BLM: variants seen among roughly 807,000 people sequenced by gnomAD.
BLM encodes the protein recQ-like DNA helicase BLM.
In BLM, 95 loss-of-function variants were observed where a neutral mutation model predicts 135.3. That is an observed-to-expected ratio of 0.70 (90% CI 0.59 to 0.83). The LOEUF (loss-of-function observed/expected upper bound fraction) is 0.83. Among genes scored for constraint, BLM ranks in the 40% least tolerant of loss-of-function variants. BLM has a pLI of 0.00. For missense variants in BLM, 1,518 were observed against 1,663.9 expected (o/e 0.91, Z 1.53); for synonymous variants, 520 against 589.2 (o/e 0.88, Z 1.70).
At chr15:90,726,122 A>G (rs963052327) in intron 1 of BLM, among the ~76,000 whole-genome samples, 2 of 152,148 alleles carry the variant, frequency 1.3e-5, no homozygotes, top group Admixed American at 6.5e-5. Context: ...ATCTTAAAAC[A>G]TTTATCATTT....
intron 16 of BLM, 139 bp downstream of exon 16, chr15:90,794,496 G>T: frequency 4.8e-6 from 3 of 627,882 alleles, no homozygotes; most frequent in South Asian, 2.6e-5. Flanking sequence ...GTAGTAATTT[G>T]GAATGGAAAC....
Position 90,784,817 on chromosome 15 carries a change from G to A in BLM, c.2663-104G>A, listed in dbSNP as rs1023390574. Reference sequence around the variant, plus strand: ...TCTTCCAGCAGTATAAGAACACTACGGGAGATCTATTTATGGTTCATATAT... The same window carrying A: ...TCTTCCAGCAGTATAAGAACACTACAGGAGATCTATTTATGGTTCATATAT... On this transcript the variant is annotated intron_variant, in intron 13 of 21. Transcript: ENST00000355112. The A allele has an allele frequency of 1.6e-5, 19 of 1,212,656 alleles. No homozygotes were observed. The Admixed American group carries it at 1.9e-4, about 12-fold the overall frequency. The allele number at this position is 1,212,656 out of a possible 1,614,324, so 75.1% of individuals were successfully genotyped here.
At chr15:90,722,517 G>T (rs1022829202) in intron 1 of BLM, among the ~76,000 whole-genome samples, 16 of 152,042 alleles carry the variant, frequency 1.1e-4, no homozygotes, top group African/African-American at 3.6e-4. Flanking sequence ...AACCTGGGCA[G>T]CGGAGGTTGC....
At position 90,738,474 on chromosome 15, in the gene BLM, T is replaced by A. The variant is rs1390347608; in HGVS notation, c.-4-8915T>A. On this transcript the variant is annotated intron_variant, in intron 1 of 21. Coordinates refer to ENST00000355112, the MANE Select transcript of BLM (RefSeq NM_000057.4). ...CTGTGGTCCCAGCTACTCCGTAGGC[T>A]GAGGTGGGAGGACCACTTGAGCCCG... 3.3e-5 allele frequency among the ~76,000 whole-genome samples: 5 copies of A among 152,090 alleles called. 1 individual carries two copies. The East Asian group carries it at 7.7e-4, about 23-fold the overall frequency.
chr15:90,734,179 C>G (rs1380040147), intron 1 of BLM, among the ~76,000 whole-genome samples: 2 of 151,926 alleles, frequency 1.3e-5, no homozygotes, highest in African/African-American at 2.4e-5. Context: ...TATTAATTAA[C>G]CTAAGGAGAA....
intron 1 of BLM, among the ~76,000 whole-genome samples, chr15:90,741,930 G>A (rs1895373536): frequency 6.6e-6 from 1 of 152,076 alleles, no homozygotes; most frequent in African/African-American, 2.4e-5. Context: ...TTGTAATTTT[G>A]TGTTTTAATG....
chr15:90,780,797 A>T (rs1896599453), intron 12 of BLM, among the ~76,000 whole-genome samples: 1 of 152,240 alleles, frequency 6.6e-6, no homozygotes, highest in African/African-American at 2.4e-5. Context: ...CTGACAGTAC[A>T]GTGTAGCAAC....
At position 90,751,702 on chromosome 15, in the gene BLM, G is replaced by A. The variant is rs1895687715; in HGVS notation, c.800-85G>A. The A allele has an allele frequency of 3.5e-6, 4 of 1,156,116 alleles. No individual in the cohort carries two copies. In the Admixed American group the frequency reaches 7.4e-5, roughly 21 times the overall value. The allele number at this position is 1,156,116 out of a possible 1,614,324, so 71.6% of individuals were successfully genotyped here. A position where few individuals can be genotyped will look rare whatever the true frequency, so the allele number is the denominator to read the frequency against. ...TGTGATTGTTTGTGACTTGCCAGAA[G>A]CACTCATTCTTAATCGCTCATGCCC... On this transcript the variant is annotated intron_variant, in intron 3 of 21. Transcript: ENST00000355112.
At position 90,797,224 on chromosome 15, in the gene BLM, G is replaced by A. The variant is rs370649802; in HGVS notation, c.3211-966G>A. Among the ~76,000 whole-genome samples the A allele has an allele frequency of 6.6e-5, 10 of 152,058 alleles. No individual in the cohort carries two copies. In the South Asian group the frequency reaches 8.4e-4, roughly 13 times the overall value. ...AGGTCAGGAGTTAAAGACTAGCCTG[G>A]CCAACGTGGTGAAACCCCATCTCTA... On this transcript the variant is annotated intron_variant, in intron 16 of 21. Transcript: ENST00000355112.
intron 10 of BLM, among the ~76,000 whole-genome samples, chr15:90,768,669 C>G (rs891878788): frequency 1.3e-5 from 2 of 152,182 alleles, no homozygotes; most frequent in African/African-American, 2.4e-5. Context: ...TCTATTACTT[C>G]TGCTGTTCTC....
At position 90,794,184 on chromosome 15, in the gene BLM, C is replaced by A; in HGVS notation, c.3037C>A (p.His1013Asn). 1 of 1,603,142 alleles carries A rather than the reference C, an allele frequency of 6.2e-7. No individual in the cohort carries two copies. Among genetic ancestry groups the A allele is most frequent in the South Asian group, 1.1e-5 (1 of 89,574 alleles). ...TCTTTTAGTGGAAAAAGATGGAAAC[C>A]ATCATACAAGAGAAACTCACTTCAA... The part of the protein sequence containing the change: ...RLIMMEKDGN[H>N]HTRETHFNNL... The change falls in exon 16 of 22, where the codon CAT becomes AAT. Residue 1013 changes from histidine to asparagine, a missense_variant. Coordinates refer to ENST00000355112, the MANE Select transcript of BLM (RefSeq NM_000057.4).
chr15:90,793,175 A>G (rs28385090), intron 15 of BLM, among the ~76,000 whole-genome samples: 25,512 of 148,584 alleles, frequency 0.17, 2,298 homozygotes, highest in Non-Finnish European at 0.19. Context: ...CGCTTTTGTC[A>G]CCCAGGCTGG....
chr15:90,784,898 C>T (rs1385920147), intron 13 of BLM, 23 bp from the exon 14 acceptor site: 3 of 1,609,096 alleles, frequency 1.9e-6, no homozygotes, highest in African/African-American at 2.7e-5. Context: ...TCTTGTTTCT[C>T]AGTACTCTTG....
In BLM at chr15:90,760,629, GT is replaced by G. The variant is rs1460069591; in HGVS notation, c.1257del (p.Ser419ArgfsTer32). Reference sequence around the variant, plus strand: ...CTAACGGAAGTAGATTTTAATAAAAGTGATGCCAGTCTTCTTGGCTCATTGT... The same window carrying G: ...CTAACGGAAGTAGATTTTAATAAAAGGATGCCAGTCTTCTTGGCTCATTGT... Reference protein sequence around the residue: ...KLLTEVDFNKSDASLLGSLWR... With the variant: ...KLLTEVDFNKXDASLLGSLWR... On this transcript the variant is annotated frameshift_variant, in exon 7 of 22. Coordinates refer to ENST00000355112, the MANE Select transcript of BLM (RefSeq NM_000057.4). LOFTEE classifies it high-confidence loss of function. The G allele has an allele frequency of 6.2e-7, 1 of 1,612,308 alleles. No homozygotes were observed. The highest frequency in any genetic ancestry group is 8.5e-7 in the Non-Finnish European group (1 of 1,178,800).
intron 19 of BLM, 24 bp downstream of exon 19, chr15:90,804,383 T>C: frequency 6.3e-7 from 1 of 1,595,336 alleles, no homozygotes. Flanking sequence ...TATCCTTTGT[T>C]ACGTGGCACA....
chr15:90,720,833 G>A (rs1345493542), intron 1 of BLM, among the ~76,000 whole-genome samples: 1 of 152,098 alleles, frequency 6.6e-6, no homozygotes, highest in Non-Finnish European at 1.5e-5. Flanking sequence ...GGCTCAAGCA[G>A]TTTGCCCACG....
At chr15:90,764,737 A>G (rs1269412416) in intron 8 of BLM, among the ~76,000 whole-genome samples, 2 of 152,298 alleles carry the variant, frequency 1.3e-5, no homozygotes, top group South Asian at 4.1e-4. Flanking sequence ...ATTCCACTAC[A>G]TTTTAAGTTT....
At chr15:90,772,691 G>A (rs1896353833) in intron 12 of BLM, among the ~76,000 whole-genome samples, 1 of 152,196 alleles carries the variant, frequency 6.6e-6, no homozygotes. Flanking sequence ...GTAAATTACA[G>A]CTGCAGGAAC....
intron 15 of BLM, among the ~76,000 whole-genome samples, chr15:90,791,278 C>T (rs1323304397): frequency 6.6e-6 from 1 of 152,166 alleles, no homozygotes; most frequent in East Asian, 1.9e-4. Flanking sequence ...GAACCCCTCC[C>T]CACCACCCCA....
Sources: allele counts gnomAD v4.1 joint callset (sites outside exome capture counted in the v4.1 genomes callset), GRCh38; gene constraint gnomAD v4.1.1; transcripts MANE v1.5; gene names NCBI Gene and HGNC (gene_info 2026-07-23, HGNC 2026-07-21).